RABGAP1L: variants seen among roughly 807,000 people sequenced by gnomAD.
RABGAP1L encodes rab GTPase-activating protein 1-like.
A neutral mutation model predicts 137.7 loss-of-function variants in RABGAP1L; 63 were observed. That is an observed-to-expected ratio of 0.46 (90% CI 0.37 to 0.56). RABGAP1L has a LOEUF of 0.56. Among genes scored for constraint, RABGAP1L ranks in the 20% least tolerant of loss-of-function variants. The pLI is 0.00. For synonymous variants in RABGAP1L, 431 were observed against 433.7 expected, an observed-to-expected ratio of 0.99 and a Z score of 0.08; for missense variants, 1,095 against 1,244.0, an observed-to-expected ratio of 0.88 and a Z score of 1.80.
intron 13 of RABGAP1L, among the ~76,000 whole-genome samples, chr1:174,508,889 G>T (rs1662076750): frequency 6.6e-6 from 1 of 151,796 alleles, no homozygotes; most frequent in African/African-American, 2.4e-5. Flanking sequence ...AAGTCCTGTT[G>T]TGTTCATTTA....
At chr1:174,889,228 A>G (rs998728822) in intron 19 of RABGAP1L, among the ~76,000 whole-genome samples, 1 of 151,294 alleles carries the variant, frequency 6.6e-6, no homozygotes, top group African/African-American at 2.4e-5. Context: ...GGTTCAAGCC[A>G]TTCTTCTGCC....
chr1:174,738,500 A>G (rs1683134979), intron 17 of RABGAP1L, among the ~76,000 whole-genome samples: 1 of 152,166 alleles, frequency 6.6e-6, no homozygotes, highest in African/African-American at 2.4e-5. Flanking sequence ...GGGTGGCACT[A>G]AAATACAGTA....
Position 174,969,287 on chromosome 1 carries a change from G to A in RABGAP1L, c.2444G>A (p.Arg815Gln). 1.9e-6 allele frequency: 3 copies of A among 1,550,796 alleles called. No homozygotes were observed. Among genetic ancestry groups the A allele is most frequent in the Non-Finnish European group, 2.6e-6 (3 of 1,146,928 alleles). The stretch of plus-strand genomic sequence containing the variant: ...ATTGTTCTTCTGCAGAGGGAGAACC[G>A]AAGATTACAGGAGGCCAGCATGAGG... ...DPMDRYKREN[R>Q]RLQEASMRLE... is the part of the protein sequence containing the mutation. The change falls in exon 21 of 26, where the codon CGA becomes CAA. Residue 815 changes from arginine (R) to glutamine (Q), a missense_variant. Arg to Gln is a conservative substitution (Grantham distance 43). Around this residue, in one of 4 missense-constraint regions of RABGAP1L, gnomAD observed 312 missense variants for 435.6 expected, o/e 0.72. Coordinates refer to ENST00000681986, the MANE Select transcript of RABGAP1L (RefSeq NM_001366446.1).
At chr1:174,899,209 CA>C (rs1248696203) in intron 19 of RABGAP1L, among the ~76,000 whole-genome samples, 1 of 151,002 alleles carries the variant, frequency 6.6e-6, no homozygotes, top group Non-Finnish European at 1.5e-5. Flanking sequence ...AACAAACAAA[CA>C]AAAAAACCGA....
At chr1:174,832,632 C>T (rs1210809035) in intron 19 of RABGAP1L, among the ~76,000 whole-genome samples, 1 of 122,042 alleles carries the variant, frequency 8.2e-6, no homozygotes, top group African/African-American at 2.8e-5. Flanking sequence ...AGCCCCTTCT[C>T]CCATGACCTC....
chr1:174,934,657 G>A (rs569471354), intron 19 of RABGAP1L, among the ~76,000 whole-genome samples: 1 of 152,044 alleles, frequency 6.6e-6, no homozygotes, highest in South Asian at 2.1e-4. Flanking sequence ...TGCTAGTGGT[G>A]GCATGCACCT....
At chr1:174,672,610 C>T (rs1433481659) in intron 14 of RABGAP1L, among the ~76,000 whole-genome samples, 5 of 151,886 alleles carry the variant, frequency 3.3e-5, no homozygotes, top group African/African-American at 1.2e-4. Context: ...AATTTTCCCT[C>T]TCAAACTGCT....
chr1:174,868,048 C>T (rs1651585601), intron 19 of RABGAP1L, among the ~76,000 whole-genome samples: 1 of 152,136 alleles, frequency 6.6e-6, no homozygotes, highest in Non-Finnish European at 1.5e-5. Flanking sequence ...TCACCGCAGC[C>T]TCCGCCGCCT....
chr1:174,239,364 A>G (rs1376782017), intron 4 of RABGAP1L, among the ~76,000 whole-genome samples: 1 of 152,034 alleles, frequency 6.6e-6, no homozygotes, highest in East Asian at 1.9e-4. Context: ...ACTACATTCC[A>G]GTTATACTAG....
intron 13 of RABGAP1L, among the ~76,000 whole-genome samples, chr1:174,520,797 T>C (rs562182165): frequency 2.0e-4 from 31 of 152,146 alleles, no homozygotes; most frequent in African/African-American, 7.0e-4. Flanking sequence ...GGTCAGGAGA[T>C]TGAGACCAGG....
chr1:174,266,951 TTG>T (rs887557124), intron 7 of RABGAP1L, among the ~76,000 whole-genome samples: 4 of 152,186 alleles, frequency 2.6e-5, no homozygotes, highest in African/African-American at 9.6e-5. Context: ...CTGTATAAAG[TTG>T]TGATATGAAC....
intron 19 of RABGAP1L, among the ~76,000 whole-genome samples, chr1:174,859,950 A>G (rs1323278341): frequency 1.4e-5 from 2 of 144,548 alleles, no homozygotes; most frequent in Admixed American, 6.9e-5. Context: ...ATTTAGTCCA[A>G]TGCTTTTTTT....
intron 1 of RABGAP1L, among the ~76,000 whole-genome samples, chr1:174,178,882 T>G (rs373943751): frequency 1.5e-4 from 23 of 152,252 alleles, no homozygotes; most frequent in African/African-American, 5.3e-4. Flanking sequence ...AGGTAATGCA[T>G]GCAGGGCTTA....
intron 13 of RABGAP1L, among the ~76,000 whole-genome samples, chr1:174,505,453 G>T: frequency 6.7e-6 from 1 of 149,782 alleles, no homozygotes; most frequent in Non-Finnish European, 1.5e-5. Flanking sequence ...AAACACATGG[G>T]CATTTGTGAA....
At chr1:174,921,821 T>G (rs983530187) in intron 19 of RABGAP1L, among the ~76,000 whole-genome samples, 1 of 152,242 alleles carries the variant, frequency 6.6e-6, no homozygotes, top group Non-Finnish European at 1.5e-5. Flanking sequence ...AATAATGAGC[T>G]TCCTAAAGAT....
chr1:174,899,081 G>A (rs964703709), intron 19 of RABGAP1L, among the ~76,000 whole-genome samples: 2 of 152,124 alleles, frequency 1.3e-5, no homozygotes, highest in Non-Finnish European at 2.9e-5. Context: ...GAATGAGTAG[G>A]ATTTAGTCAG....
intron 13 of RABGAP1L, among the ~76,000 whole-genome samples, chr1:174,535,486 T>G (rs1307352078): frequency 1.3e-5 from 2 of 152,194 alleles, no homozygotes; most frequent in African/African-American, 4.8e-5. Context: ...GCCTGGGTAG[T>G]TACTATTAAG....
chr1:174,216,665 C>T (rs919499446), intron 1 of RABGAP1L, among the ~76,000 whole-genome samples: 3 of 150,762 alleles, frequency 2.0e-5, no homozygotes, highest in Non-Finnish European at 4.4e-5. Flanking sequence ...ACATTTTTGA[C>T]CTATATAATT....
chr1:174,271,718 T>C (rs566371870), intron 7 of RABGAP1L, among the ~76,000 whole-genome samples: 2 of 152,226 alleles, frequency 1.3e-5, no homozygotes, highest in South Asian at 2.1e-4. Context: ...TTAGAGCTTA[T>C]GCAAATCCTT....
Sources: allele counts gnomAD v4.1 joint callset (sites outside exome capture counted in the v4.1 genomes callset), GRCh38; gene constraint gnomAD v4.1.1; regional missense constraint gnomAD v4.1.1; transcripts MANE v1.5; gene names NCBI Gene and HGNC (gene_info 2026-07-23, HGNC 2026-07-21).